DNMBP: variants seen among roughly 807,000 people sequenced by gnomAD.
DNMBP encodes dynamin-binding protein.
A neutral mutation model predicts 150.0 loss-of-function variants in DNMBP; 87 were observed. That is an observed-to-expected ratio of 0.58 (90% CI 0.49 to 0.69). The LOEUF (loss-of-function observed/expected upper bound fraction) is 0.69, where lower values mean the gene tolerates loss of function less well. Among genes scored for constraint, DNMBP ranks in the 30% least tolerant of loss-of-function variants. The pLI, the probability that DNMBP is intolerant of heterozygous loss-of-function variation, is 0.00. For synonymous variants in DNMBP, 711 were observed against 750.4 expected (o/e 0.95, Z 0.86); for missense variants, 1,774 against 1,949.0 (o/e 0.91, Z 1.69).
intron 11 of DNMBP, among the ~76,000 whole-genome samples, chr10:99,892,678 C>T (rs1216807621): frequency 6.8e-6 from 1 of 147,450 alleles, no homozygotes; most frequent in African/African-American, 2.5e-5. Context: ...ACTTGTTTAT[C>T]TGCTGACCTT....
chr10:99,880,339 G>C lies in DNMBP; in HGVS notation c.4020C>G (p.Ser1340Arg), dbSNP rs1444070757. The C allele has an allele frequency of 1.2e-6, 2 of 1,600,454 alleles. No individual in the cohort carries two copies. ...GAGGATTGTAGGGCTTTAGGAAAGA[G>C]CTGTACACGAAGCCTTTGGTGACTA... is the stretch of plus-strand genomic sequence containing the variant. ...DNGVTKGFVY[S>R]SFLKPYNPRR... The change falls in exon 16 of 17, where the codon AGC (serine) becomes AGG (arginine). Residue 1340 changes from serine (S) to arginine (R), a missense_variant. Physicochemically the swap from Ser to Arg is moderately radical, Grantham distance 110 (BLOSUM62 -1). Around this residue, in one of 2 missense-constraint regions of DNMBP, gnomAD observed 1,430 missense variants for 1,492.5 expected, o/e 0.96. Coordinates refer to ENST00000324109, the MANE Select transcript of DNMBP (RefSeq NM_015221.4).
intron 4 of DNMBP, among the ~76,000 whole-genome samples, chr10:99,924,281 C>CAA (rs1165772290): frequency 8.1e-6 from 1 of 123,950 alleles, no homozygotes. Context: ...ACTAAAAATA[C>CAA]AAAAAAAAAA....
At chr10:99,983,370 G>C (rs2040798475) in intron 1 of DNMBP, among the ~76,000 whole-genome samples, 1 of 152,166 alleles carries the variant, frequency 6.6e-6, no homozygotes, top group African/African-American at 2.4e-5. Flanking sequence ...CGCATGAAAG[G>C]ACGAGAGGTG....
intron 4 of DNMBP, among the ~76,000 whole-genome samples, chr10:99,947,621 A>G (rs2040372808): frequency 6.6e-6 from 1 of 152,126 alleles, no homozygotes; most frequent in African/African-American, 2.4e-5. Flanking sequence ...ATTAGGTACT[A>G]TGTTCTCTTA....
chr10:100,006,443 T>C (rs1019967220), intron 1 of DNMBP, among the ~76,000 whole-genome samples: 3 of 152,196 alleles, frequency 2.0e-5, no homozygotes, highest in African/African-American at 7.2e-5. Context: ...CAGGGAAGAA[T>C]TATGGTGTGA....
rs1180544591 is a variant in DNMBP at position 99,972,154 on chromosome 10, G to A, written c.-10-20C>T. The stretch of plus-strand genomic sequence containing the variant: ...TATAACCTGGAAAGATAGATCAAGA[G>A]AAATAGAAAACATCAATATTTAAGA... On this transcript the variant is annotated intron_variant, in intron 1 of 16. Transcript: ENST00000324109. 1 of 1,593,070 alleles carries A rather than the reference G, an allele frequency of 6.3e-7. No individual in the cohort carries two copies. Among genetic ancestry groups the A allele is most frequent in the East Asian group, 2.2e-5 (1 of 44,740 alleles).
intron 15 of DNMBP, 147 bp from the exon 16 acceptor site, chr10:99,880,508 A>G (rs561260065): frequency 2.4e-5 from 27 of 1,131,218 alleles, no homozygotes; most frequent in Non-Finnish European, 3.3e-5. Context: ...GCCAATAGTG[A>G]GAGACACAAA....
chr10:100,007,059 G>A (rs904463002), intron 1 of DNMBP, among the ~76,000 whole-genome samples: 1 of 151,894 alleles, frequency 6.6e-6, no homozygotes, highest in Admixed American at 6.6e-5. Flanking sequence ...AGGCTACAGT[G>A]AGCTGTGATC....
intron 4 of DNMBP, among the ~76,000 whole-genome samples, chr10:99,920,519 G>T (rs1343545915): frequency 6.6e-6 from 1 of 152,128 alleles, no homozygotes; most frequent in Admixed American, 6.6e-5. Flanking sequence ...AGAGCAGCAG[G>T]TGTGGTGAAT....
At position 99,998,579 on chromosome 10, in the gene DNMBP, CAAA is replaced by C. The variant is rs71009799; in HGVS notation, c.-11+11256_-11+11258del. On this transcript the variant is annotated intron_variant, in intron 1 of 16. Coordinates refer to ENST00000324109, the MANE Select transcript of DNMBP (RefSeq NM_015221.4). ...TGGGTGACAGAGTGAGACTCCGTCT[CAAA>C]AAAAAAAAAAAAAAAAGAAACACAT... 8.6e-5 allele frequency among the ~76,000 whole-genome samples: 8 copies of C among 93,220 alleles called. No individual in the cohort carries two copies. In the East Asian group the frequency reaches 1.1e-3, roughly 13 times the overall value. 61.2% of individuals were successfully genotyped at this position (93,220 alleles called of 152,430 possible).
chr10:99,903,945 C>T (rs1310763181), intron 6 of DNMBP, among the ~76,000 whole-genome samples: 4 of 149,062 alleles, frequency 2.7e-5, no homozygotes, highest in East Asian at 2.0e-4. Context: ...TCTGTAGAGA[C>T]GGGGTTTTCC....
intron 4 of DNMBP, among the ~76,000 whole-genome samples, chr10:99,915,938 C>CT (rs1341544123): frequency 2.6e-5 from 4 of 152,100 alleles, no homozygotes; most frequent in East Asian, 3.9e-4. Context: ...TATTCTGTCT[C>CT]TTTTTTTCCC....
At chr10:99,999,154 A>G (rs1164803061) in intron 1 of DNMBP, among the ~76,000 whole-genome samples, 1 of 152,226 alleles carries the variant, frequency 6.6e-6, no homozygotes, top group Non-Finnish European at 1.5e-5. Flanking sequence ...CATACCCTGA[A>G]AAAGGACAAC....
rs2040150910 is a variant in DNMBP at position 99,930,996 on chromosome 10, T to C, written c.2261-21850A>G. 1.6e-5 allele frequency: 7 copies of C among 431,924 alleles called. No homozygotes were observed. In the East Asian group the frequency reaches 2.1e-4, roughly 13 times the overall value. The allele number at this position is 431,924 out of a possible 1,614,324, so 26.8% of individuals were successfully genotyped here. ...TCTTTCTCCAGAGGCCAGAAGATAA[T>C]GAGTAACTAGTATGCATGTGATTGG... On this transcript the variant is annotated intron_variant, in intron 4 of 16. Coordinates refer to ENST00000324109, the MANE Select transcript of DNMBP (RefSeq NM_015221.4).
intron 4 of DNMBP, among the ~76,000 whole-genome samples, chr10:99,911,366 C>T (rs1209194729): frequency 6.6e-6 from 1 of 151,968 alleles, no homozygotes; most frequent in Non-Finnish European, 1.5e-5. Flanking sequence ...ACTAAAAATA[C>T]AAAAATTTGT....
chr10:99,985,043 T>C (rs1237033188), intron 1 of DNMBP, among the ~76,000 whole-genome samples: 2 of 152,144 alleles, frequency 1.3e-5, no homozygotes, highest in Non-Finnish European at 2.9e-5. Context: ...GTGCCTGGCC[T>C]CAACCTATTT....
In DNMBP at chr10:99,877,301, G is replaced by A. The variant is rs1470129419; in HGVS notation, c.4584C>T (p.Asn1528=). Residue 1528 remains asparagine (N), a synonymous_variant, in exon 17 of 17, where the codon AAC becomes AAT. Coordinates refer to ENST00000324109, the MANE Select transcript of DNMBP (RefSeq NM_015221.4). Reference sequence around the variant, plus strand: ...TGGCTGACACGCTCAGCTCATTTGGGTTTCGTGCCTTGAAGGTGTAGACAG... The same window carrying A: ...TGGCTGACACGCTCAGCTCATTTGGATTTCGTGCCTTGAAGGTGTAGACAG... ...YFAVYTFKAR[N]PNELSVSANQ... The A allele has an allele frequency of 6.2e-7, 1 of 1,613,768 alleles. No individual in the cohort carries two copies. Among genetic ancestry groups the A allele is most frequent in the Non-Finnish European group, 8.5e-7 (1 of 1,179,902 alleles).
chr10:99,881,388 A>G (rs1024384511), intron 15 of DNMBP, among the ~76,000 whole-genome samples: 10 of 152,226 alleles, frequency 6.6e-5, no homozygotes, highest in African/African-American at 2.2e-4. Context: ...TGTACTGCAC[A>G]TGGTTCACTT....
chr10:99,902,657 G>C (rs535708706), intron 6 of DNMBP, among the ~76,000 whole-genome samples: 3 of 150,150 alleles, frequency 2.0e-5, no homozygotes, highest in Admixed American at 6.6e-5. Context: ...GCTGGACGTA[G>C]TGGCTCAAGC....
Sources: allele counts gnomAD v4.1 joint callset (sites outside exome capture counted in the v4.1 genomes callset), GRCh38; gene constraint gnomAD v4.1.1; regional missense constraint gnomAD v4.1.1; transcripts MANE v1.5; gene names NCBI Gene and HGNC (gene_info 2026-07-23, HGNC 2026-07-21).